Variants in PCDH11X observed in about 807,000 individuals in gnomAD.
PCDH11X encodes the protein protocadherin 11 X-linked.
Under a neutral mutation model 53.3 loss-of-function variants are expected in PCDH11X, and 18 were observed. The ratio of observed to expected loss-of-function variants is 0.34; its 90% CI spans 0.23 to 0.50. The LOEUF (loss-of-function observed/expected upper bound fraction) is 0.50, where lower values mean the gene tolerates loss of function less well. Among genes scored for constraint, PCDH11X ranks in the 20% least tolerant of loss-of-function variants. PCDH11X has a pLI of 0.98. For synonymous variants in PCDH11X, 279 were observed against 393.3 expected (o/e 0.71, Z 3.44); for missense variants, 570 against 1,032.4 (o/e 0.55, Z 6.14).
At chrX:91,905,098 T>TTTATTA (rs200229863) in intron 6 of PCDH11X, among the ~76,000 whole-genome samples, 1,686 of 99,968 alleles carry the variant, frequency 0.017, 25 homozygotes, top group South Asian at 0.078. Context: ...TACTTTTTTG[T>TTTATTA]TTATTATTAT....
chrX:91,886,922 G>A (rs1940239825), intron 6 of PCDH11X, among the ~76,000 whole-genome samples: 1 of 97,984 alleles, frequency 1.0e-5, no homozygotes, highest in African/African-American at 3.9e-5. Flanking sequence ...AGTGAGCCAA[G>A]ATGGCGCCAC....
intron 8 of PCDH11X, among the ~76,000 whole-genome samples, chrX:92,279,888 A>G (rs1363844807): frequency 8.9e-6 from 1 of 112,347 alleles, no homozygotes; most frequent in Non-Finnish European, 1.9e-5. Flanking sequence ...TCTCCTGTAC[A>G]GTCATGTGCC....
intron 7 of PCDH11X, among the ~76,000 whole-genome samples, chrX:92,212,787 T>C (rs530276920): frequency 8.9e-6 from 1 of 112,630 alleles, no homozygotes; most frequent in African/African-American, 3.2e-5. Flanking sequence ...GGTGATATTT[T>C]TGATACTTTT....
At chrX:91,791,982 C>T (rs913222792) in intron 1 of PCDH11X, among the ~76,000 whole-genome samples, 18 of 108,331 alleles carry the variant, frequency 1.7e-4, no homozygotes, top group South Asian at 8.1e-4. Flanking sequence ...CTGCCTCAGC[C>T]TCCCGAGTAG....
At chrX:91,920,748 CTA>C (rs1941712920) in intron 6 of PCDH11X, among the ~76,000 whole-genome samples, 1 of 110,518 alleles carries the variant, frequency 9.0e-6, no homozygotes, top group African/African-American at 3.3e-5. Flanking sequence ...AAAAATCCCT[CTA>C]TTTTTTCTCT....
At chrX:91,861,536 G>C (rs1181172060) in intron 5 of PCDH11X, among the ~76,000 whole-genome samples, 1 of 109,723 alleles carries the variant, frequency 9.1e-6, no homozygotes, top group African/African-American at 3.3e-5. Context: ...CTTCCAGTCT[G>C]TCAGGCCCTG....
chrX:92,322,638 G>A (rs2069241563), intron 8 of PCDH11X, among the ~76,000 whole-genome samples: 2 of 111,374 alleles, frequency 1.8e-5, no homozygotes, highest in South Asian at 7.5e-4. Context: ...ACAAAGATGA[G>A]TAGTTACAAG....
intron 7 of PCDH11X, among the ~76,000 whole-genome samples, chrX:92,232,265 T>G (rs948800143): frequency 2.1e-4 from 23 of 110,961 alleles, no homozygotes; most frequent in Non-Finnish European, 4.3e-4. Flanking sequence ...AATAATGGAA[T>G]AGAAAGGTCA....
chrX:92,363,062 G>T (rs1358475352), intron 8 of PCDH11X, among the ~76,000 whole-genome samples: 46 of 110,925 alleles, frequency 4.1e-4, no homozygotes, highest in African/African-American at 1.4e-3. Flanking sequence ...TAGATTTGTA[G>T]TAAGTTTACA....
At chrX:91,909,125 C>G (rs898428509) in intron 6 of PCDH11X, among the ~76,000 whole-genome samples, 7 of 110,794 alleles carry the variant, frequency 6.3e-5, no homozygotes, top group African/African-American at 2.3e-4. Flanking sequence ...TATTTTTACA[C>G]AGTCCTCTTC....
intron 6 of PCDH11X, among the ~76,000 whole-genome samples, chrX:92,106,832 G>A (rs2064395009): frequency 9.0e-6 from 1 of 111,590 alleles, no homozygotes; most frequent in Non-Finnish European, 1.9e-5. Flanking sequence ...TTGGCCAAGG[G>A]CATTCCACAG....
chrX:92,295,785 A>G (rs2068595509), intron 8 of PCDH11X, among the ~76,000 whole-genome samples: 1 of 98,329 alleles, frequency 1.0e-5, no homozygotes. Flanking sequence ...GTGTCTATTA[A>G]AAAGATCATG....
chrX:91,958,046 C>T (rs1356965581), intron 6 of PCDH11X, among the ~76,000 whole-genome samples: 1 of 110,748 alleles, frequency 9.0e-6, no homozygotes, highest in Non-Finnish European at 1.9e-5. Context: ...AGTCTGGCCA[C>T]CAACTGGCAA....
chrX:92,533,105 G>A (rs1016272902), intron 10 of PCDH11X, among the ~76,000 whole-genome samples: 1 of 110,949 alleles, frequency 9.0e-6, no homozygotes, highest in African/African-American at 3.3e-5. Flanking sequence ...ACAATAACAG[G>A]CTTTTTAGAA....
chrX:91,884,685 ATTC>A (rs1437161801), intron 6 of PCDH11X, among the ~76,000 whole-genome samples: 3 of 104,999 alleles, frequency 2.9e-5, no homozygotes, highest in African/African-American at 1.2e-4. Context: ...TTTATGCTAT[ATTC>A]TTAAACTATT....
intron 5 of PCDH11X, among the ~76,000 whole-genome samples, chrX:91,869,450 T>G (rs977016309): frequency 4.4e-4 from 49 of 111,566 alleles, no homozygotes; most frequent in African/African-American, 1.5e-3. Context: ...GCAAGTCACC[T>G]AACCTTACTG....
intron 9 of PCDH11X, among the ~76,000 whole-genome samples, chrX:92,464,854 A>G (rs922407401): frequency 3.5e-4 from 39 of 109,970 alleles, no homozygotes; most frequent in African/African-American, 1.3e-3. Context: ...TTGGTTTATT[A>G]ATTTGACACC....
chrX:92,359,954 T>A lies in PCDH11X; in HGVS notation c.3145-27781T>A, dbSNP rs1569473787. ...TATGCCTTTTCAAATGAGTTGTCTG[T>A]AACAGCAAACAAATCTATGTGACTA... On this transcript the variant is annotated intron_variant, in intron 8 of 10. Coordinates refer to ENST00000682573, the MANE Select transcript of PCDH11X (RefSeq NM_032968.5). Among the ~76,000 whole-genome samples, 4 of 111,006 alleles carry A rather than the reference T, an allele frequency of 3.6e-5. No individual in the cohort carries two copies. In the South Asian group the frequency reaches 1.5e-3, roughly 42 times the overall value.
chrX:92,288,107 C>A, intron 8 of PCDH11X: 1 of 445,364 alleles, frequency 2.2e-6, no homozygotes, highest in Non-Finnish European at 4.0e-6. Flanking sequence ...TCAGGTAGTT[C>A]TTTATAGCTG....
Sources: gnomAD v4.1 joint callset for allele counts (sites outside exome capture counted in the v4.1 genomes callset) on GRCh38, gnomAD v4.1.1 for gene constraint, MANE v1.5 for transcripts, NCBI Gene and HGNC (gene_info 2026-07-23, HGNC 2026-07-21) for gene names.